Variants in CELF5 observed in about 807,000 individuals in gnomAD.
CELF5 encodes CUG-BP and ETR-3 like factor 5.
Under a neutral mutation model 54.9 loss-of-function variants are expected in CELF5, and 6 were observed. The ratio of observed to expected loss-of-function variants is 0.11; its 90% CI spans 0.06 to 0.22. The LOEUF is 0.22. CELF5 is among the 10% of genes least tolerant of loss of function. The pLI is 1.00. For missense variants in CELF5, 401 were observed against 678.6 expected (o/e 0.59, Z 4.54); for synonymous variants, 271 against 290.9 (o/e 0.93, Z 0.70).
chr19:3,255,338 C>T (rs1249640279), intron 2 of CELF5, among the ~76,000 whole-genome samples: 1 of 152,180 alleles, frequency 6.6e-6, no homozygotes. Flanking sequence ...GCATGAGCCA[C>T]CACGCTGGCT....
intron 2 of CELF5, among the ~76,000 whole-genome samples, chr19:3,253,675 A>G (rs945515094): frequency 4.6e-5 from 7 of 152,186 alleles, no homozygotes; most frequent in Admixed American, 6.5e-5. Context: ...AACCAGCTCA[A>G]TACTGGACTT....
At chr19:3,232,691 C>T (rs1917325397) in intron 1 of CELF5, among the ~76,000 whole-genome samples, 3 of 152,106 alleles carry the variant, frequency 2.0e-5, no homozygotes, top group Non-Finnish European at 4.4e-5. Flanking sequence ...CCTGTAATCC[C>T]AGCACTTTGG....
chr19:3,224,826 C>A lies in CELF5; in HGVS notation c.87C>A (p.Pro29=). ...PRPSPVGSSG[P]EPPGGQPDGM... is the part of the protein sequence containing the mutation. ...CCTCGCCCGTGGGCAGCAGCGGGCC[C>A]GAGCCCCCCGGGGGGCAGCCCGACG... The change falls in exon 1 of 13, where the codon CCC becomes CCA. Residue 29 remains proline, a synonymous_variant. Transcript: ENST00000292672. 1 of 1,576,342 alleles carries A rather than the reference C, an allele frequency of 6.3e-7. No homozygotes were observed. The highest frequency in any genetic ancestry group is 2.4e-5 in the East Asian group (1 of 42,396).
At chr19:3,295,461 C>T (rs1354516846) in intron 12 of CELF5, 1 of 152,124 alleles carries the variant, frequency 6.6e-6, no homozygotes. Flanking sequence ...GTAGAGTGAC[C>T]CTGGGCCGGT....
At chr19:3,238,466 G>A (rs1409570973) in intron 1 of CELF5, among the ~76,000 whole-genome samples, 1 of 152,140 alleles carries the variant, frequency 6.6e-6, no homozygotes, top group Non-Finnish European at 1.5e-5. Context: ...TCCCAGTCCT[G>A]GAGGCCAGAA....
At chr19:3,292,852 C>T (rs902269671) in intron 11 of CELF5, among the ~76,000 whole-genome samples, 32 of 152,052 alleles carry the variant, frequency 2.1e-4, no homozygotes, top group African/African-American at 7.7e-4. Flanking sequence ...GCTGAGATTG[C>T]GCCACTGCAC....
At position 3,250,319 on chromosome 19, in the gene CELF5, T is replaced by C. The variant is rs367677978; in HGVS notation, c.260-666T>C. Among the ~76,000 whole-genome samples, 340 of 152,036 alleles carry C rather than the reference T, an allele frequency of 2.2e-3. 4 individuals carry two copies. The South Asian group carries it at 0.027, about 12-fold the overall frequency. On this transcript the variant is annotated intron_variant, in intron 1 of 12. Transcript: ENST00000292672. ...CTGGCTAACACGGTGAAACCCCGCC[T>C]CTACTAAAAATACAAAAAAATTAGC...
At chr19:3,248,909 T>TTCCTTCCTTCCTTCCTTCCTTC in intron 1 of CELF5, among the ~76,000 whole-genome samples, 1 of 76,552 alleles carries the variant, frequency 1.3e-5, no homozygotes, top group African/African-American at 4.6e-5. Context: ...TTCCTTCCTT[T>TTCCTTCCTTCCTTCCTTCCTTC]CTTTCTTTCT....
chr19:3,259,775 C>T (rs1322706640), intron 2 of CELF5, among the ~76,000 whole-genome samples: 10 of 148,638 alleles, frequency 6.7e-5, no homozygotes, highest in Admixed American at 6.0e-4. Context: ...GTTGTCACGA[C>T]GTGGGGGTGC....
chr19:3,238,758 C>T (rs938803352), intron 1 of CELF5, among the ~76,000 whole-genome samples: 1 of 152,036 alleles, frequency 6.6e-6, no homozygotes, highest in African/African-American at 2.4e-5. Context: ...ATGACGAAAC[C>T]CTGTCTCTAC....
At chr19:3,227,453 C>G (rs571783832) in intron 1 of CELF5, among the ~76,000 whole-genome samples, 1 of 152,122 alleles carries the variant, frequency 6.6e-6, no homozygotes, top group Non-Finnish European at 1.5e-5. Context: ...TTCAGAGTGG[C>G]AGGGCCTTGG....
chr19:3,236,921 G>T (rs1303697716), intron 1 of CELF5, among the ~76,000 whole-genome samples: 1 of 151,468 alleles, frequency 6.6e-6, no homozygotes, highest in Non-Finnish European at 1.5e-5. Flanking sequence ...CCCGGGAGGC[G>T]GAGATTGCAG....
intron 1 of CELF5, among the ~76,000 whole-genome samples, chr19:3,234,056 G>T (rs1244643509): frequency 6.6e-6 from 1 of 152,150 alleles, no homozygotes; most frequent in Non-Finnish European, 1.5e-5. Context: ...TATCCAAGAG[G>T]ATTTGCATTC....
intron 2 of CELF5, chr19:3,270,703 G>T (rs1160204721): frequency 6.6e-6 from 1 of 151,600 alleles, no homozygotes; most frequent in Non-Finnish European, 1.5e-5. Flanking sequence ...GGGTGGGGAC[G>T]GCCGGGCCGC....
At chr19:3,227,696 A>C (rs1917002832) in intron 1 of CELF5, among the ~76,000 whole-genome samples, 1 of 152,044 alleles carries the variant, frequency 6.6e-6, no homozygotes, top group African/African-American at 2.4e-5. Context: ...ACCCATCGCC[A>C]TGGAGGTGGG....
chr19:3,252,249 T>A (rs931372508), intron 2 of CELF5, among the ~76,000 whole-genome samples: 8 of 151,332 alleles, frequency 5.3e-5, no homozygotes, highest in African/African-American at 1.9e-4. Flanking sequence ...TTGCCCGGGC[T>A]GATCCTGAAC....
At chr19:3,291,981 T>C (rs531619739) in intron 11 of CELF5, among the ~76,000 whole-genome samples, 1 of 152,250 alleles carries the variant, frequency 6.6e-6, no homozygotes, top group Admixed American at 6.5e-5. Context: ...AGCTTCACTC[T>C]TGTTGCCCAG....
chr19:3,234,913 C>T lies in CELF5; in HGVS notation c.259+9915C>T, dbSNP rs111578441. Among the ~76,000 whole-genome samples, 662 of 152,208 alleles carry T rather than the reference C, an allele frequency of 4.3e-3. 1 individual carries two copies. The highest frequency in any genetic ancestry group is 0.015 in the African/African-American group (628 of 41,524). ...TTCGCGCCCCACAGTCTGTCCTCCCCGCAGCAGCCACCAGAGAGCGCCTGT... is the reference window on the plus strand; with the variant it reads ...TTCGCGCCCCACAGTCTGTCCTCCCTGCAGCAGCCACCAGAGAGCGCCTGT... On this transcript the variant is annotated intron_variant, in intron 1 of 12. Coordinates refer to ENST00000292672, the MANE Select transcript of CELF5 (RefSeq NM_021938.4).
In CELF5 at chr19:3,282,508, G is replaced by A. The variant is rs764641203; in HGVS notation, c.1039+10G>A. On this transcript the variant is annotated intron_variant, in intron 8 of 12. Transcript: ENST00000292672. This position sits in a 1 kb window ranked among gnomAD's most constrained non-coding sequence, Gnocchi z 5.2. ...CTTGTGCCCTACCCAGGTAAATTGG[G>A]GTCGTCCTCTGGGGCCTAGGAGAGT... 4 of 1,607,646 alleles carry A rather than the reference G, an allele frequency of 2.5e-6. No homozygotes were observed. Among genetic ancestry groups the A allele is most frequent in the Admixed American group, 1.7e-5 (1 of 59,396 alleles).
Sources: allele counts gnomAD v4.1 joint callset (sites outside exome capture counted in the v4.1 genomes callset), GRCh38; gene constraint gnomAD v4.1.1; non-coding constraint Gnocchi (gnomAD v3.1); transcripts MANE v1.5; gene names NCBI Gene and HGNC (gene_info 2026-07-23, HGNC 2026-07-21).